Variants in TECRL observed in about 807,000 individuals in gnomAD.
The protein encoded by TECRL is trans-2,3-enoyl-CoA reductase-like.
In TECRL, 63 loss-of-function variants were observed where a neutral mutation model predicts 52.8. The ratio of observed to expected loss-of-function variants is 1.19; its 90% CI spans 0.97 to 1.47. The LOEUF (loss-of-function observed/expected upper bound fraction) is 1.47, where lower values mean the gene tolerates loss of function less well. TECRL is among the 40% of genes most tolerant of loss of function. TECRL has a pLI of 0.00. For synonymous variants in TECRL, 164 were observed against 141.9 expected (o/e 1.16, Z -1.10); for missense variants, 482 against 429.6 (o/e 1.12, Z -1.08).
chr4:64,284,999 C>G (rs78064387), intron 9 of TECRL, among the ~76,000 whole-genome samples: 1 of 151,916 alleles, frequency 6.6e-6, no homozygotes, highest in Admixed American at 6.6e-5. Context: ...ATTCAGGGAA[C>G]CATATACTAG....
At chr4:64,355,625 A>G (rs11937862) in intron 2 of TECRL, among the ~76,000 whole-genome samples, 1 of 150,764 alleles carries the variant, frequency 6.6e-6, no homozygotes, top group Non-Finnish European at 1.5e-5. Flanking sequence ...AGTGAAACCG[A>G]GTCTCTACTA....
At chr4:64,397,292 T>C (rs1434039934) in intron 1 of TECRL, among the ~76,000 whole-genome samples, 2 of 152,052 alleles carry the variant, frequency 1.3e-5, no homozygotes, top group South Asian at 2.1e-4. Context: ...TACCACACTC[T>C]AAATTTTATT....
At chr4:64,334,742 G>A (rs1718920848) in intron 2 of TECRL, among the ~76,000 whole-genome samples, 1 of 152,136 alleles carries the variant, frequency 6.6e-6, no homozygotes, top group South Asian at 2.1e-4. Flanking sequence ...ATAAAAAATA[G>A]GATGAAGGAA....
chr4:64,382,307 T>A (rs1397169464), intron 1 of TECRL, among the ~76,000 whole-genome samples: 1 of 145,586 alleles, frequency 6.9e-6, no homozygotes, highest in Non-Finnish European at 1.5e-5. Flanking sequence ...ATACATTATA[T>A]TATATATTAT....
At chr4:64,342,559 A>G (rs1052623730) in intron 2 of TECRL, among the ~76,000 whole-genome samples, 3 of 152,096 alleles carry the variant, frequency 2.0e-5, no homozygotes, top group African/African-American at 7.2e-5. Context: ...CTGCTTAACC[A>G]CCAAAGTCTG....
chr4:64,302,670 A>T (rs1724090278), intron 7 of TECRL, among the ~76,000 whole-genome samples: 1 of 151,418 alleles, frequency 6.6e-6, no homozygotes, highest in Non-Finnish European at 1.5e-5. Context: ...TTCAAGAGGA[A>T]CAATATAAAA....
At chr4:64,299,849 A>G (rs1243797951) in intron 8 of TECRL, 125 bp downstream of exon 8, 3 of 345,846 alleles carry the variant, frequency 8.7e-6, no homozygotes, top group East Asian at 1.0e-4. Context: ...TTCATTTTAT[A>G]TCATTATGTA....
chr4:64,375,670 G>T (rs1283558868), intron 1 of TECRL, among the ~76,000 whole-genome samples: 1 of 151,744 alleles, frequency 6.6e-6, no homozygotes, highest in Admixed American at 6.6e-5. Flanking sequence ...TGAGACAAAA[G>T]TCACCTTAAG....
chr4:64,289,632 G>T, intron 9 of TECRL, 78 bp downstream of exon 9: 3 of 1,140,306 alleles, frequency 2.6e-6, no homozygotes, highest in South Asian at 1.7e-5. Context: ...GATTTTTAAA[G>T]ATTTTTTGAA....
At chr4:64,284,629 A>G (rs1275740297) in intron 9 of TECRL, among the ~76,000 whole-genome samples, 3 of 152,096 alleles carry the variant, frequency 2.0e-5, no homozygotes, top group Non-Finnish European at 4.4e-5. Context: ...GGCAGTTCCA[A>G]TTACAGTACT....
chr4:64,388,948 G>C (rs749637083), intron 1 of TECRL, among the ~76,000 whole-genome samples: 2 of 151,748 alleles, frequency 1.3e-5, no homozygotes, highest in Admixed American at 6.6e-5. Context: ...CTTGTATCCT[G>C]AAACCTTGCT....
At chr4:64,372,598 C>A (rs989131372) in intron 2 of TECRL, among the ~76,000 whole-genome samples, 4 of 151,454 alleles carry the variant, frequency 2.6e-5, no homozygotes, top group South Asian at 2.1e-4. Context: ...AAAAAAAGTT[C>A]TAAAATAAAA....
intron 9 of TECRL, among the ~76,000 whole-genome samples, chr4:64,284,529 T>C (rs1722987251): frequency 6.6e-6 from 1 of 152,082 alleles, no homozygotes; most frequent in Admixed American, 6.6e-5. Flanking sequence ...TGTATCAGGC[T>C]TACTGTAAGT....
intron 8 of TECRL, among the ~76,000 whole-genome samples, chr4:64,297,170 A>C (rs1691012727): frequency 6.6e-6 from 1 of 151,480 alleles, no homozygotes; most frequent in Non-Finnish European, 1.5e-5. Context: ...GAAAACTCAG[A>C]ATAGTAGTAG....
intron 2 of TECRL, among the ~76,000 whole-genome samples, chr4:64,335,928 T>C (rs958717991): frequency 1.3e-5 from 2 of 152,220 alleles, no homozygotes; most frequent in African/African-American, 2.4e-5. Context: ...CAGTATTTTA[T>C]TGAGAATTTT....
Position 64,322,741 on chromosome 4 carries a change from G to C in TECRL, c.383C>G (p.Ser128Cys). Residue 128 changes from serine to cysteine, a missense_variant, in exon 4 of 12, where the codon TCC (serine) becomes TGC (cysteine). Transcript: ENST00000381210. ...YITIQSIAASSIVTLYATDLG... is the reference protein window; with the variant it reads ...YITIQSIAASCIVTLYATDLG... ...GTCTGTAGCATACAGTGTGACAATG[G>C]AGGAAGCTGCAATACTTTGAATGGT... 1 of 1,612,448 alleles carries C rather than the reference G, an allele frequency of 6.2e-7. No individual in the cohort carries two copies. The highest frequency in any genetic ancestry group is 8.5e-7 in the Non-Finnish European group (1 of 1,179,160).
chr4:64,406,863 G>A (rs1724761993), intron 1 of TECRL, among the ~76,000 whole-genome samples: 1 of 151,716 alleles, frequency 6.6e-6, no homozygotes, highest in Non-Finnish European at 1.5e-5. Context: ...TTGTACACTG[G>A]GTAGAGCCAG....
At chr4:64,336,106 C>A (rs1719062638) in intron 2 of TECRL, among the ~76,000 whole-genome samples, 1 of 152,082 alleles carries the variant, frequency 6.6e-6, no homozygotes, top group Non-Finnish European at 1.5e-5. Context: ...CCTCTTTGTA[C>A]CTCTGGTAGA....
chr4:64,323,399 T>A (rs1718039908), intron 3 of TECRL, among the ~76,000 whole-genome samples: 1 of 151,782 alleles, frequency 6.6e-6, no homozygotes, highest in South Asian at 2.1e-4. Context: ...TGCCTCAAAA[T>A]GAAAACAAAA....
Sources: allele counts gnomAD v4.1 joint callset (sites outside exome capture counted in the v4.1 genomes callset), GRCh38; gene constraint gnomAD v4.1.1; transcripts MANE v1.5; gene names NCBI Gene and HGNC (gene_info 2026-07-23, HGNC 2026-07-21).